PCNX2: variants seen among roughly 807,000 people sequenced by gnomAD.
PCNX2 encodes the protein pecanex-like protein 2.
Under a neutral mutation model 223.8 loss-of-function variants are expected in PCNX2, and 168 were observed. The observed-to-expected ratio is 0.75, with a 90% CI of 0.66 to 0.85. The LOEUF is 0.85. Among genes scored for constraint, PCNX2 ranks in the 40% least tolerant of loss-of-function variants. PCNX2 has a pLI of 0.00. For synonymous variants in PCNX2, 1,006 were observed against 1,052.6 expected, an observed-to-expected ratio of 0.96 and a Z score of 0.86; for missense variants, 2,507 against 2,675.5, an observed-to-expected ratio of 0.94 and a Z score of 1.39.
Position 233,126,736 on chromosome 1 carries a change from GA to G in PCNX2, c.3837+8276del, listed in dbSNP as rs1208783568. On this transcript the variant is annotated intron_variant, in intron 21 of 33. Transcript: ENST00000258229. This position sits in a 1 kb window ranked among gnomAD's most constrained non-coding sequence, Gnocchi z 4.8. ...AATTTAAAAAATTATTATAAAATGA[GA>G]AAAATCCTTTTTTCAAGGTTTTTAT... 6.6e-6 allele frequency among the ~76,000 whole-genome samples: 1 copy of G among 152,080 alleles called. No homozygotes were observed. Among genetic ancestry groups the G allele is most frequent in the African/African-American group, 2.4e-5 (1 of 41,400 alleles).
At chr1:233,118,761 T>G (rs1489272937) in intron 21 of PCNX2, among the ~76,000 whole-genome samples, 1 of 152,164 alleles carries the variant, frequency 6.6e-6, no homozygotes, top group Admixed American at 6.5e-5. Context: ...GAAGACAACA[T>G]AGAAAAGATG....
chr1:233,249,227 G>GA (rs910237953), intron 8 of PCNX2, among the ~76,000 whole-genome samples: 69 of 152,244 alleles, frequency 4.5e-4, no homozygotes, highest in African/African-American at 1.5e-3. Context: ...TAACCTAGGG[G>GA]AAAAATGACA....
chr1:233,005,518 G>A (rs1173685149), intron 28 of PCNX2, among the ~76,000 whole-genome samples: 1 of 152,150 alleles, frequency 6.6e-6, no homozygotes, highest in African/African-American at 2.4e-5. Flanking sequence ...GAGACATTGT[G>A]GTGCTTCATG....
In PCNX2 at chr1:233,126,574, A is replaced by G. The variant is rs1049621425; in HGVS notation, c.3837+8439T>C. On this transcript the variant is annotated intron_variant, in intron 21 of 33. Transcript: ENST00000258229. The surrounding 1 kb of genome is among the most constrained non-coding windows in gnomAD (Gnocchi z 4.8). Reference sequence around the variant, plus strand: ...GAGGACTGGGAGGATTTATTCCAAAATACTTACAATAGTTATCCATAGGAA... The same window carrying G: ...GAGGACTGGGAGGATTTATTCCAAAGTACTTACAATAGTTATCCATAGGAA... 1.3e-5 allele frequency among the ~76,000 whole-genome samples: 2 copies of G among 152,062 alleles called. No homozygotes were observed. Among genetic ancestry groups the G allele is most frequent in the Non-Finnish European group, 2.9e-5 (2 of 68,006 alleles).
At chr1:232,992,170 G>A (rs1182623756) in intron 32 of PCNX2, among the ~76,000 whole-genome samples, 1 of 152,184 alleles carries the variant, frequency 6.6e-6, no homozygotes, top group African/African-American at 2.4e-5. Flanking sequence ...ACCCTCTGCT[G>A]GGGATAAAAG....
At position 233,040,382 on chromosome 1, in the gene PCNX2, A is replaced by G. The variant is rs529112122; in HGVS notation, c.4351+13886T>C. 2.6e-5 allele frequency among the ~76,000 whole-genome samples: 4 copies of G among 152,340 alleles called. No homozygotes were observed. In the East Asian group the frequency reaches 5.8e-4, roughly 22 times the overall value. ...CCATGAGAGAATGCTGCTTTACCGC[A>G]TGCAGTTCACGTCATTTGCTATGGG... On this transcript the variant is annotated intron_variant, in intron 25 of 33. Transcript: ENST00000258229.
chr1:233,303,149 T>C, the PCNX2 span, among the ~76,000 whole-genome samples: 1 of 152,146 alleles, frequency 6.6e-6, no homozygotes, highest in African/African-American at 2.4e-5. Flanking sequence ...CCATATTCTT[T>C]AACATAAATC....
intron 17 of PCNX2, among the ~76,000 whole-genome samples, chr1:233,164,212 AATC>A (rs1207305401): frequency 6.6e-6 from 1 of 152,232 alleles, no homozygotes; most frequent in East Asian, 1.9e-4. Flanking sequence ...CAACGTCACT[AATC>A]ATCAGGAAAA....
chr1:233,245,415 T>A (rs1429031415), intron 8 of PCNX2, among the ~76,000 whole-genome samples: 1 of 152,060 alleles, frequency 6.6e-6, no homozygotes, highest in Non-Finnish European at 1.5e-5. Flanking sequence ...AAGGGAGCAA[T>A]GAGTGGAGAA....
At chr1:233,010,954 A>G (rs985822065) in intron 28 of PCNX2, among the ~76,000 whole-genome samples, 3 of 152,232 alleles carry the variant, frequency 2.0e-5, no homozygotes, top group Admixed American at 2.0e-4. Context: ...AGTGAAGCAT[A>G]TGTTTAAGAC....
intron 25 of PCNX2, chr1:233,031,645 A>G (rs1043155780): frequency 6.0e-5 from 35 of 585,300 alleles, no homozygotes; most frequent in African/African-American, 5.7e-4. Context: ...TCTATGAAAT[A>G]GGAGTCCAGG....
At chr1:233,199,214 T>C (rs1359991519) in intron 14 of PCNX2, among the ~76,000 whole-genome samples, 184 bp from the exon 15 acceptor site, 1 of 152,108 alleles carries the variant, frequency 6.6e-6, no homozygotes, top group Non-Finnish European at 1.5e-5. Flanking sequence ...AGACTACCAT[T>C]AACTAAAAAT....
chr1:233,181,147 T>C (rs76393198), intron 15 of PCNX2: 14,862 of 151,724 alleles, frequency 0.098, 930 homozygotes, highest in East Asian at 0.31. Flanking sequence ...ATGTCCTACT[T>C]TCTTTTCATT....
In PCNX2 at chr1:233,065,812, T is replaced by C. The variant is rs183293763; in HGVS notation, c.4077-8522A>G. On this transcript the variant is annotated intron_variant, in intron 23 of 33. Transcript: ENST00000258229. The stretch of plus-strand genomic sequence containing the variant: ...TACCACAGATAAAACCATAGCCCTA[T>C]GCCTATCTGTATCAGTGATAGCAGC... Among the ~76,000 whole-genome samples, 765 of 152,294 alleles carry C rather than the reference T, an allele frequency of 5.0e-3. 2 individuals are homozygous for C. Among genetic ancestry groups the C allele is most frequent in the Admixed American group, 7.8e-3 (119 of 15,298 alleles).
chr1:233,222,175 GA>G (rs746501986), intron 10 of PCNX2, among the ~76,000 whole-genome samples: 10 of 152,224 alleles, frequency 6.6e-5, no homozygotes, highest in Non-Finnish European at 1.2e-4. Context: ...TCTTAAGCTG[GA>G]GGATTGCCTG....
At chr1:233,019,471 A>C (rs1572017475) in intron 26 of PCNX2, among the ~76,000 whole-genome samples, 1 of 152,196 alleles carries the variant, frequency 6.6e-6, no homozygotes, top group South Asian at 2.1e-4. Context: ...CAGAGGCGGG[A>C]AAGAAAGACA....
At position 232,991,927 on chromosome 1, in the gene PCNX2, C is replaced by T. The variant is rs563784137; in HGVS notation, c.5792-5387G>A. Reference sequence around the variant, plus strand: ...GGCAGCCCAAGCAGACTCACACATTCTGAGCTGAAGCCATCATTCAACAGA... The same window carrying T: ...GGCAGCCCAAGCAGACTCACACATTTTGAGCTGAAGCCATCATTCAACAGA... On this transcript the variant is annotated intron_variant, in intron 32 of 33. Coordinates refer to ENST00000258229, the MANE Select transcript of PCNX2 (RefSeq NM_014801.4). This position sits in a 1 kb window ranked among gnomAD's most constrained non-coding sequence, Gnocchi z 4.3. 9.8e-5 allele frequency among the ~76,000 whole-genome samples: 15 copies of T among 152,292 alleles called. No homozygotes were observed. The South Asian group carries it at 2.9e-3, about 29-fold the overall frequency.
Position 233,001,521 on chromosome 1 carries a change from T to A in PCNX2, c.5097+16A>T, listed in dbSNP as rs116249877. The A allele has an allele frequency of 6.6e-3, 6,742 of 1,021,236 alleles. 29 individuals are homozygous for A. Among genetic ancestry groups the A allele is most frequent in the East Asian group, 0.025 (686 of 27,788 alleles). 63.3% of individuals were successfully genotyped at this position (1,021,236 alleles called of 1,614,324 possible). On this transcript the variant is annotated intron_variant, in intron 29 of 33. Coordinates refer to ENST00000258229, the MANE Select transcript of PCNX2 (RefSeq NM_014801.4). This position sits in a 1 kb window ranked among gnomAD's most constrained non-coding sequence, Gnocchi z 4.2. The stretch of plus-strand genomic sequence containing the variant: ...ATAAATAAATAAATAAATAAATAAA[T>A]AAAATAGGTTTTTACCTGGTGAAGT...
intron 19 of PCNX2, among the ~76,000 whole-genome samples, chr1:233,156,376 G>C (rs979654483): frequency 6.6e-6 from 1 of 152,192 alleles, no homozygotes; most frequent in Non-Finnish European, 1.5e-5. Context: ...TTTAAAGTTT[G>C]TTCCAGCGAC....
Sources: gnomAD v4.1 joint callset for allele counts (sites outside exome capture counted in the v4.1 genomes callset) on GRCh38, gnomAD v4.1.1 for gene constraint, Gnocchi (gnomAD v3.1) non-coding constraint, MANE v1.5 for transcripts, NCBI Gene and HGNC (gene_info 2026-07-23, HGNC 2026-07-21) for gene names.